Variants in PLCH1 observed in about 807,000 individuals in gnomAD.
PLCH1 encodes phospholipase C eta 1, also known as 1-phosphatidylinositol 4,5-bisphosphate phosphodiesterase eta-1.
A neutral mutation model predicts 126.7 loss-of-function variants in PLCH1; 60 were observed. The ratio of observed to expected loss-of-function variants is 0.47; its 90% CI spans 0.38 to 0.59. The LOEUF (loss-of-function observed/expected upper bound fraction) is 0.59, where lower values mean the gene tolerates loss of function less well. PLCH1 is among the 20% of genes least tolerant of loss of function. The probability of loss-of-function intolerance (pLI) is 0.00; values close to 1 mark genes in which losing one functional copy is unlikely to be tolerated. For missense variants in PLCH1, 1,723 were observed against 2,040.0 expected (o/e 0.84, Z 2.99); for synonymous variants, 719 against 734.9 (o/e 0.98, Z 0.35).
intron 2 of PLCH1, among the ~76,000 whole-genome samples, chr3:155,606,165 T>G (rs1734328385): frequency 6.6e-6 from 1 of 152,232 alleles, no homozygotes; most frequent in South Asian, 2.1e-4. Context: ...TGAATCTTGT[T>G]TTTTGAGGAA....
In PLCH1 at chr3:155,481,080, C is replaced by T. The variant is rs1713935968; in HGVS notation, c.4946G>A (p.Cys1649Tyr). The change falls in exon 23 of 23, where the codon TGC becomes TAC. Residue 1649 changes from cysteine to tyrosine, a missense_variant. Physicochemically the swap from Cys to Tyr is radical, Grantham distance 194. Around this residue, in one of 2 missense-constraint regions of PLCH1, gnomAD observed 947 missense variants for 977.1 expected, o/e 0.97. Coordinates refer to ENST00000460012, the MANE Select transcript of PLCH1 (RefSeq NM_014996.4). This position sits in a 1 kb window ranked among gnomAD's most constrained non-coding sequence, Gnocchi z 4.2. ...LEGRGIPEGA[C>Y]TALHYGHVDQ... is the part of the protein sequence containing the mutation. ...AACGTGGCCATAGTGAAGAGCCGTG[C>T]ATGCCCCCTCTGGGATGCCCCGGCC... The T allele has an allele frequency of 6.2e-7, 1 of 1,614,050 alleles. No homozygotes were observed. Among genetic ancestry groups the T allele is most frequent in the African/African-American group, 1.3e-5 (1 of 74,938 alleles).
intron 10 of PLCH1, among the ~76,000 whole-genome samples, chr3:155,546,246 A>C (rs1437676217): frequency 1.3e-5 from 2 of 152,220 alleles, no homozygotes; most frequent in African/African-American, 4.8e-5. Flanking sequence ...CACCAATAAC[A>C]GACAAACAGA....
At chr3:155,523,661 G>A (rs1721501167) in intron 11 of PLCH1, among the ~76,000 whole-genome samples, 3 of 152,086 alleles carry the variant, frequency 2.0e-5, no homozygotes, top group South Asian at 4.1e-4. Flanking sequence ...CTGGAGAGAG[G>A]GTTGAATGAA....
chr3:155,667,922 A>C (rs1337738292), intron 2 of PLCH1, among the ~76,000 whole-genome samples: 2 of 149,556 alleles, frequency 1.3e-5, no homozygotes, highest in Non-Finnish European at 3.0e-5. Context: ...AAAAAAAAAA[A>C]AAAAATACAA....
intron 1 of PLCH1, among the ~76,000 whole-genome samples, chr3:155,720,494 G>A (rs569633346): frequency 1.2e-4 from 18 of 152,190 alleles, no homozygotes; most frequent in Admixed American, 1.0e-3. Context: ...TTTTTCATAT[G>A]TTTGTTGCCC....
intron 1 of PLCH1, among the ~76,000 whole-genome samples, chr3:155,739,075 A>T (rs1056760488): frequency 6.6e-5 from 10 of 152,202 alleles, no homozygotes; most frequent in African/African-American, 2.4e-4. Flanking sequence ...AAATACTGCA[A>T]ATCTAAAACC....
intron 2 of PLCH1, among the ~76,000 whole-genome samples, chr3:155,602,639 T>C (rs1327311300): frequency 6.6e-6 from 1 of 152,234 alleles, no homozygotes. Flanking sequence ...AACATGCTAC[T>C]GTACTGAATA....
At chr3:155,502,878 A>T (rs551870803) in intron 13 of PLCH1, among the ~76,000 whole-genome samples, 1 of 152,360 alleles carries the variant, frequency 6.6e-6, no homozygotes, top group South Asian at 2.1e-4. Context: ...ATAATGACTA[A>T]TCTGACTAGC....
intron 8 of PLCH1, among the ~76,000 whole-genome samples, chr3:155,557,276 T>C (rs1396501517): frequency 2.0e-5 from 3 of 152,208 alleles, no homozygotes; most frequent in Admixed American, 6.5e-5. Context: ...TTTTAACAAT[T>C]TTTACCCTGT....
intron 1 of PLCH1, among the ~76,000 whole-genome samples, chr3:155,732,609 G>C (rs1487037923): frequency 6.6e-6 from 1 of 152,034 alleles, no homozygotes; most frequent in Non-Finnish European, 1.5e-5. Context: ...TGGGTATGGT[G>C]GTTCATGACT....
Position 155,536,728 on chromosome 3 carries a change from T to A in PLCH1, c.1363-12724A>T, listed in dbSNP as rs543477061. The stretch of plus-strand genomic sequence containing the variant: ...TGGTGTTCCCCAGGAAGAAGAGAAA[T>A]CTCACAGTGTGGAAAACCTATTTGA... On this transcript the variant is annotated intron_variant, in intron 10 of 22. Coordinates refer to ENST00000460012, the MANE Select transcript of PLCH1 (RefSeq NM_014996.4). Among the ~76,000 whole-genome samples, 7 of 152,134 alleles carry A rather than the reference T, an allele frequency of 4.6e-5. No homozygotes were observed. In the South Asian group the frequency reaches 1.5e-3, roughly 32 times the overall value.
chr3:155,511,355 C>T (rs868223731), intron 12 of PLCH1, among the ~76,000 whole-genome samples: 49 of 130,632 alleles, frequency 3.8e-4, no homozygotes, highest in Middle Eastern at 7.2e-3. Flanking sequence ...TCTCTCAGCT[C>T]GTCAAAATCA....
At chr3:155,594,431 G>A (rs952382765) in intron 3 of PLCH1, among the ~76,000 whole-genome samples, 1 of 151,972 alleles carries the variant, frequency 6.6e-6, no homozygotes, top group South Asian at 2.1e-4. Flanking sequence ...AAATTGGCCG[G>A]GCACGGTGGC....
At chr3:155,486,185 G>T (rs776684779) in intron 21 of PLCH1, 2 of 1,546,436 alleles carry the variant, frequency 1.3e-6, no homozygotes, top group South Asian at 1.2e-5. Flanking sequence ...GTATAACTGG[G>T]GTTGAGTATT....
intron 2 of PLCH1, among the ~76,000 whole-genome samples, chr3:155,637,918 C>T (rs1738928944): frequency 6.6e-6 from 1 of 152,188 alleles, no homozygotes; most frequent in Non-Finnish European, 1.5e-5. Context: ...GAAAAAGTCA[C>T]CTGACATCCC....
chr3:155,511,356 G>C (rs899715501), intron 12 of PLCH1, among the ~76,000 whole-genome samples: 60 of 130,410 alleles, frequency 4.6e-4, no homozygotes, highest in Non-Finnish European at 7.7e-4. Context: ...CTCTCAGCTC[G>C]TCAAAATCAT....
chr3:155,710,711 T>A (rs13322127), intron 1 of PLCH1, among the ~76,000 whole-genome samples: 35,729 of 151,454 alleles, frequency 0.24, 4,478 homozygotes, highest in African/African-American at 0.32. Context: ...CATGCACCTG[T>A]AATCGCAGCT....
At chr3:155,513,393 A>G (rs1400609569) in intron 12 of PLCH1, among the ~76,000 whole-genome samples, 1 of 152,210 alleles carries the variant, frequency 6.6e-6, no homozygotes, top group Non-Finnish European at 1.5e-5. Context: ...AAAAGATAGA[A>G]GGGCTTAATT....
chr3:155,637,235 A>G (rs1475832719), intron 2 of PLCH1, among the ~76,000 whole-genome samples: 1 of 152,228 alleles, frequency 6.6e-6, no homozygotes, highest in Non-Finnish European at 1.5e-5. Context: ...AAAAAATAAA[A>G]CTGACTAGGA....
Sources: allele counts gnomAD v4.1 joint callset (sites outside exome capture counted in the v4.1 genomes callset), GRCh38; gene constraint gnomAD v4.1.1; regional missense constraint gnomAD v4.1.1; non-coding constraint Gnocchi (gnomAD v3.1); transcripts MANE v1.5; gene names NCBI Gene and HGNC (gene_info 2026-07-23, HGNC 2026-07-21).